Variants in CCDC28A observed in about 807,000 individuals in gnomAD.
CCDC28A encodes coiled-coil domain-containing protein 28A.
A neutral mutation model predicts 22.1 loss-of-function variants in CCDC28A; 24 were observed. That is an observed-to-expected ratio of 1.09 (90% CI 0.79 to 1.53). The LOEUF (loss-of-function observed/expected upper bound fraction) is 1.53, where lower values mean the gene tolerates loss of function less well. Ranked by LOEUF, CCDC28A falls within the 40% of genes most tolerant of loss-of-function variation. CCDC28A has a pLI of 0.00. For missense variants in CCDC28A, 170 were observed against 210.7 expected (o/e 0.81, Z 1.20); for synonymous variants, 83 against 74.7 (o/e 1.11, Z -0.57).
intron 2 of CCDC28A, among the ~76,000 whole-genome samples, chr6:138,776,849 C>T (rs1774941394): frequency 6.6e-6 from 1 of 151,912 alleles, no homozygotes. Flanking sequence ...ATAATGGTGT[C>T]ATTGTTTTTG....
At position 138,773,784 on chromosome 6, in the gene CCDC28A, T is replaced by G. The variant is rs1473555016; in HGVS notation, c.-161T>G. The G allele has an allele frequency of 1.2e-6, 2 of 1,613,606 alleles. No individual in the cohort carries two copies. Among genetic ancestry groups the G allele is most frequent in the South Asian group, 2.2e-5 (2 of 91,026 alleles). Reference sequence around the variant, plus strand: ...CGTCACTTCCGTAAACAAACGGAGCTGCGGAGGAGCGGGTCCCGGGATGTG... The same window carrying G: ...CGTCACTTCCGTAAACAAACGGAGCGGCGGAGGAGCGGGTCCCGGGATGTG... On this transcript the variant is annotated 5_prime_UTR_variant, in exon 1 of 6. Coordinates refer to ENST00000617445, the MANE Select transcript of CCDC28A (RefSeq NM_015439.3).
Position 138,792,937 on chromosome 6 carries a change from TC to T in CCDC28A, c.*135del. The T allele has an allele frequency of 1.5e-6, 1 of 647,880 alleles. No homozygotes were observed. The highest frequency in any genetic ancestry group is 2.7e-6 in the Non-Finnish European group (1 of 364,582). The allele number at this position is 647,880 out of a possible 1,614,324, so 40.1% of individuals were successfully genotyped here. A position where few individuals can be genotyped will look rare whatever the true frequency, so the allele number is the denominator to read the frequency against. ...TAAAGTGCAAGTTCAATGATCGTTT[TC>T]ACTTACTGCTTTTAGTAAATGTGAC... On this transcript the variant is annotated 3_prime_UTR_variant, in exon 6 of 6. Coordinates refer to ENST00000617445, the MANE Select transcript of CCDC28A (RefSeq NM_015439.3).
chr6:138,782,115 C>T (rs895716490), intron 3 of CCDC28A, among the ~76,000 whole-genome samples: 1 of 152,138 alleles, frequency 6.6e-6, no homozygotes, highest in Non-Finnish European at 1.5e-5. Context: ...CTTTGGACCA[C>T]TTCCACGTCT....
chr6:138,779,043 T>G (rs562993638), intron 2 of CCDC28A, among the ~76,000 whole-genome samples: 1 of 152,316 alleles, frequency 6.6e-6, no homozygotes, highest in East Asian at 1.9e-4. Flanking sequence ...GTTGGAATTA[T>G]AGGCACGAGC....
At chr6:138,780,099 C>T in intron 3 of CCDC28A, 114 bp downstream of exon 3, 1 of 725,424 alleles carries the variant, frequency 1.4e-6, no homozygotes, top group Non-Finnish European at 2.1e-6. Flanking sequence ...AAAAAAAGAG[C>T]CCACAGGCAT....
At chr6:138,778,448 C>T (rs538001514) in intron 2 of CCDC28A, among the ~76,000 whole-genome samples, 2 of 152,282 alleles carry the variant, frequency 1.3e-5, no homozygotes, top group South Asian at 4.1e-4. Flanking sequence ...TATCGCAGTG[C>T]GCATAACATC....
At chr6:138,786,770 C>G (rs1775099296) in intron 4 of CCDC28A, among the ~76,000 whole-genome samples, 1 of 152,172 alleles carries the variant, frequency 6.6e-6, no homozygotes, top group African/African-American at 2.4e-5. Flanking sequence ...CACATGCCAC[C>G]ACGCCCAGCT....
chr6:138,788,915 A>C (rs946885087), intron 5 of CCDC28A, among the ~76,000 whole-genome samples: 1 of 152,124 alleles, frequency 6.6e-6, no homozygotes, highest in Non-Finnish European at 1.5e-5. Context: ...TTAGATTCTG[A>C]GGCTAACTGG....
intron 4 of CCDC28A, 59 bp downstream of exon 4, chr6:138,785,440 AC>A (rs1775081306): frequency 5.6e-6 from 7 of 1,260,428 alleles, no homozygotes; most frequent in Non-Finnish European, 8.0e-6. Context: ...GAAAAAATGT[AC>A]CTTTTGAACT....
intron 2 of CCDC28A, among the ~76,000 whole-genome samples, chr6:138,777,743 TTTGTG>T (rs1452088931): frequency 6.6e-6 from 1 of 152,166 alleles, no homozygotes; most frequent in Non-Finnish European, 1.5e-5. Context: ...TGTTTTATCT[TTTGTG>T]TTTGTTTTCT....
chr6:138,777,846 T>C (rs1313575897), intron 2 of CCDC28A, among the ~76,000 whole-genome samples: 1 of 152,240 alleles, frequency 6.6e-6, no homozygotes, highest in Non-Finnish European at 1.5e-5. Flanking sequence ...TTTGTCATGC[T>C]GAAACCTTAT....
chr6:138,779,686 G>A, intron 2 of CCDC28A, 136 bp from the exon 3 acceptor site: 2 of 504,416 alleles, frequency 4.0e-6, no homozygotes. Context: ...TTCTGGCTTG[G>A]AGTTTCTGGT....
At chr6:138,782,954 TA>T (rs1326164842) in intron 3 of CCDC28A, among the ~76,000 whole-genome samples, 12 of 152,014 alleles carry the variant, frequency 7.9e-5, no homozygotes, top group Non-Finnish European at 1.3e-4. Flanking sequence ...GTTTTTTTTT[TA>T]AAAAATTCTA....
rs79835987 is a variant in CCDC28A, at chr6:138,779,271, A to G, written c.159-551A>G. Among the ~76,000 whole-genome samples the G allele has an allele frequency of 2.2e-3, 334 of 152,338 alleles. 2 individuals are homozygous for G. Among genetic ancestry groups the G allele is most frequent in the African/African-American group, 7.8e-3 (323 of 41,588 alleles). ...TAGATATTTTGTGGGTATAATTGATAGGACTTCATGACTGCATGTAGGAGC... is the reference window on the plus strand; with the variant it reads ...TAGATATTTTGTGGGTATAATTGATGGGACTTCATGACTGCATGTAGGAGC... On this transcript the variant is annotated intron_variant, in intron 2 of 5. Coordinates refer to ENST00000617445, the MANE Select transcript of CCDC28A (RefSeq NM_015439.3).
At chr6:138,789,698 G>A (rs1360642496) in intron 5 of CCDC28A, among the ~76,000 whole-genome samples, 1 of 152,066 alleles carries the variant, frequency 6.6e-6, no homozygotes, top group African/African-American at 2.4e-5. Flanking sequence ...GGTGGAGGGC[G>A]CCTGTAATCC....
chr6:138,789,708 C>T (rs1449681091), intron 5 of CCDC28A, among the ~76,000 whole-genome samples: 1 of 152,044 alleles, frequency 6.6e-6, no homozygotes, highest in Admixed American at 6.6e-5. Context: ...GCCTGTAATC[C>T]CAGCTACTTG....
chr6:138,777,961 A>T (rs1774960127), intron 2 of CCDC28A, among the ~76,000 whole-genome samples: 1 of 152,164 alleles, frequency 6.6e-6, no homozygotes, highest in Non-Finnish European at 1.5e-5. Flanking sequence ...GCTTCAGATG[A>T]GCATTTCTAA....
At chr6:138,779,733 T>G in intron 2 of CCDC28A, 89 bp from the exon 3 acceptor site, 1 of 994,746 alleles carries the variant, frequency 1.0e-6, no homozygotes. Context: ...TTCTTGCTTT[T>G]AAGGGAAATT....
chr6:138,781,262 A>C lies in CCDC28A; in HGVS notation c.322+1277A>C, dbSNP rs1775017123. 2.0e-5 allele frequency among the ~76,000 whole-genome samples: 3 copies of C among 152,226 alleles called. No individual in the cohort carries two copies. The South Asian group carries it at 6.2e-4, about 31-fold the overall frequency. On this transcript the variant is annotated intron_variant, in intron 3 of 5. Transcript: ENST00000617445. Reference sequence around the variant, plus strand: ...CTCTAGTTCATTCTTTTTTAATGGCAACATAATATTCCAAGTTGTGAATAT... The same window carrying C: ...CTCTAGTTCATTCTTTTTTAATGGCCACATAATATTCCAAGTTGTGAATAT...
Sources: allele counts gnomAD v4.1 joint callset (sites outside exome capture counted in the v4.1 genomes callset), GRCh38; gene constraint gnomAD v4.1.1; transcripts MANE v1.5; gene names NCBI Gene and HGNC (gene_info 2026-07-23, HGNC 2026-07-21).